FOXM1: variants seen among roughly 807,000 people sequenced by gnomAD.
FOXM1 encodes forkhead box M1, also known as forkhead box protein M1.
A neutral mutation model predicts 63.6 loss-of-function variants in FOXM1; 25 were observed. The ratio of observed to expected loss-of-function variants is 0.39; its 90% CI spans 0.29 to 0.55. FOXM1 has a LOEUF of 0.55. Ranked by LOEUF, FOXM1 falls within the 20% of genes least tolerant of loss-of-function variation. The pLI is 0.60. For missense variants in FOXM1, 879 were observed against 958.7 expected (o/e 0.92, Z 1.10); for synonymous variants, 387 against 376.9 (o/e 1.03, Z -0.31).
chr12:2,862,910 T>C (rs1256745228), intron 8 of FOXM1, among the ~76,000 whole-genome samples: 1 of 150,286 alleles, frequency 6.7e-6, no homozygotes, highest in African/African-American at 2.5e-5. Context: ...TATGCTATTT[T>C]CATCTCTCTG....
At chr12:2,862,493 G>T (rs115836629) in intron 8 of FOXM1, among the ~76,000 whole-genome samples, 1,762 of 152,206 alleles carry the variant, frequency 0.012, 32 homozygotes, top group African/African-American at 0.039. Flanking sequence ...TTATGTATGT[G>T]TGGTATAATT....
chr12:2,874,319 T>TGG lies in FOXM1; in HGVS notation c.158_159dup (p.Asn54ProfsTer23). On this transcript the variant is annotated frameshift_variant, in exon 2 of 9. Transcript: ENST00000359843. LOFTEE classifies it high-confidence loss of function. The surrounding 1 kb of genome is among the most constrained non-coding windows in gnomAD (Gnocchi z 4.3). ...ATCCCAGCTGGAAACTTGCAAGAGT[T>TGG]GGACTCTGCCACTTCCTTGGAGGCC... is the stretch of plus-strand genomic sequence containing the variant. 6.2e-7 allele frequency: 1 copy of TGG among 1,614,218 alleles called. No individual in the cohort carries two copies. Among genetic ancestry groups the TGG allele is most frequent in the Non-Finnish European group, 8.5e-7 (1 of 1,180,052 alleles).
At chr12:2,866,573 T>C (rs2153936324) in intron 4 of FOXM1, 52 bp from the exon 5 acceptor site, 3 of 1,473,742 alleles carry the variant, frequency 2.0e-6, no homozygotes, top group East Asian at 5.2e-5. Flanking sequence ...TTCAGAAACA[T>C]CACCCTTCAA....
Position 2,872,157 on chromosome 12 carries a change from C to T in FOXM1, c.593G>A (p.Arg198His), listed in dbSNP as rs769409425. 64 of 1,614,148 alleles carry T rather than the reference C, an allele frequency of 4.0e-5. 1 individual carries two copies. The South Asian group carries it at 5.3e-4, about 13-fold the overall frequency. Reference sequence around the variant, plus strand: ...TTCCTCCATCTCTTGCTTGATGCTGCGGGAGCCCAGTCCATCAGAACTCAT... The same window carrying T: ...TTCCTCCATCTCTTGCTTGATGCTGTGGGAGCCCAGTCCATCAGAACTCAT... ...RKMSSDGLGS[R>H]SIKQEMEEKE... The change falls in exon 3 of 9, where the codon CGC becomes CAC. Residue 198 changes from arginine (R) to histidine (H), a missense_variant. Arg to His is a conservative substitution (Grantham distance 29). Transcript: ENST00000359843. The surrounding 1 kb of genome is among the most constrained non-coding windows in gnomAD (Gnocchi z 4.0).
chr12:2,859,297 G>C lies in FOXM1; in HGVS notation c.1633C>G (p.Arg545Gly). ...GGAGGCAGTAGATGCTGTTTTCTCC[G>C]AGACCGGCTCCTCTCCCTCCTCTCC... is the stretch of plus-strand genomic sequence containing the variant. ...HRERRERSRS[R>G]RKQHLLPPCV... Residue 545 changes from arginine to glycine, a missense_variant, in exon 9 of 9, where the codon CGG becomes GGG. Physicochemically the swap from Arg to Gly is moderately radical, Grantham distance 125. Around this residue, in one of 4 missense-constraint regions of FOXM1, gnomAD observed 486 missense variants for 453.5 expected, o/e 1.07. Transcript: ENST00000359843. 3 of 1,613,376 alleles carry C rather than the reference G, an allele frequency of 1.9e-6. No individual in the cohort carries two copies. Among genetic ancestry groups the C allele is most frequent in the Non-Finnish European group, 2.5e-6 (3 of 1,179,938 alleles).
At position 2,866,504 on chromosome 12, in the gene FOXM1, G is replaced by A. The variant is rs142769604; in HGVS notation, c.864C>T (p.Asn288=). The change falls in exon 5 of 9, where the codon AAC becomes AAT. Residue 288 remains asparagine, a synonymous_variant. Coordinates refer to ENST00000359843, the MANE Select transcript of FOXM1 (RefSeq NM_021953.4). The part of the protein sequence containing the change: ...KPGWKNSIRH[N]LSLHDMFVRE... ...GGACAAACATGTCGTGCAGGGAAAG[G>A]TTGTGGCGGATGGAGTTCTGGAAGA... 609 of 1,552,386 alleles carry A rather than the reference G, an allele frequency of 3.9e-4. 1 individual carries two copies. Among genetic ancestry groups the A allele is most frequent in the Non-Finnish European group, 4.4e-4 (513 of 1,153,828 alleles).
rs114108937 is a variant in FOXM1 at position 2,867,932 on chromosome 12, G to A, written c.846+631C>T. On this transcript the variant is annotated intron_variant, in intron 4 of 8. Transcript: ENST00000359843. ...GGCGGAGGAGGTTGCAGTGACCTGAGATCTGCCATTGCACTCCAGCCTGGG... is the reference window on the plus strand; with the variant it reads ...GGCGGAGGAGGTTGCAGTGACCTGAAATCTGCCATTGCACTCCAGCCTGGG... Among the ~76,000 whole-genome samples, 593 of 136,864 alleles carry A rather than the reference G, an allele frequency of 4.3e-3. 8 individuals are homozygous for A. Among genetic ancestry groups the A allele is most frequent in the Middle Eastern group, 0.015 (3 of 202 alleles). The allele number at this position is 136,864 out of a possible 152,430, so 89.8% of individuals were successfully genotyped here.
At position 2,858,664 on chromosome 12, in the gene FOXM1, A is replaced by G. The variant is rs1216720660; in HGVS notation, c.2266T>C (p.Ser756Pro). 1 of 1,614,036 alleles carries G rather than the reference A, an allele frequency of 6.2e-7. No homozygotes were observed. The highest frequency in any genetic ancestry group is 1.7e-5 in the Admixed American group (1 of 60,016). ...TACTGTAGCTCAGGAATAAACTGGG[A>G]CCAGTTGATGTTGTCAGGGCCCAGT... Reference protein sequence around the residue: ...DPLGPDNINWSQFIPELQ With the variant: ...DPLGPDNINWPQFIPELQ Residue 756 changes from serine (S) to proline (P), a missense_variant, in exon 9 of 9, where the codon TCC (serine) becomes CCC (proline). This residue lies in a region of FOXM1 where 486 missense variants were observed against 453.5 expected (regional missense o/e 1.07). Coordinates refer to ENST00000359843, the MANE Select transcript of FOXM1 (RefSeq NM_021953.4).
intron 5 of FOXM1, 39 bp from the exon 6 acceptor site, chr12:2,865,438 AAGTT>A (rs2098121392): frequency 1.9e-6 from 3 of 1,569,602 alleles, no homozygotes; most frequent in Non-Finnish European, 2.6e-6. Flanking sequence ...AAATGAGATG[AAGTT>A]ACCACCAACG....
Position 2,859,560 on chromosome 12 carries a change from T to G in FOXM1, c.1370A>C (p.Gln457Pro), listed in dbSNP as rs2098104940. Residue 457 changes from glutamine (Q) to proline (P), a missense_variant, in exon 9 of 9, where the codon CAG becomes CCG. Coordinates refer to ENST00000359843, the MANE Select transcript of FOXM1 (RefSeq NM_021953.4). ...CTGGATTTCTTCCTCCTTGATAGTC[T>G]GAACTGGAAGCAAAGGAGAAAACCC... ...GEGFSPLLPV[Q>P]TIKEEEIQPG... The G allele has an allele frequency of 6.2e-7, 1 of 1,613,952 alleles. No individual in the cohort carries two copies. Among genetic ancestry groups the G allele is most frequent in the African/African-American group, 1.3e-5 (1 of 74,918 alleles).
In FOXM1 at chr12:2,858,875, G is replaced by A. The variant is rs764795562; in HGVS notation, c.2055C>T (p.Ile685=). 1.9e-6 allele frequency: 3 copies of A among 1,614,134 alleles called. No homozygotes were observed. Among genetic ancestry groups the A allele is most frequent in the Non-Finnish European group, 2.5e-6 (3 of 1,180,018 alleles). The change falls in exon 9 of 9, where the codon ATC becomes ATT. Residue 685 remains isoleucine, a synonymous_variant. Transcript: ENST00000359843. ...RLLSSEPLDL[I]SVPFGNSSPS... ...GAGAAGAGTTGCCAAAGGGGACGGAGATGAGGTCTAAGGGTTCTGAACTGA... is the reference window on the plus strand; with the variant it reads ...GAGAAGAGTTGCCAAAGGGGACGGAAATGAGGTCTAAGGGTTCTGAACTGA...
intron 8 of FOXM1, among the ~76,000 whole-genome samples, chr12:2,862,650 C>T (rs1237678719): frequency 6.6e-6 from 1 of 152,050 alleles, no homozygotes; most frequent in Non-Finnish European, 1.5e-5. Flanking sequence ...TCTGCCTCAG[C>T]CTCCCAAGTG....
rs1171887999 is a variant in FOXM1, at chr12:2,864,334, G to A, written c.1252C>T (p.Arg418Cys). The change falls in exon 8 of 9, where the codon CGC (arginine) becomes TGC (cysteine). Residue 418 changes from arginine (R) to cysteine (C), a missense_variant. By Grantham distance (180) the Arg-to-Cys change is radical. Transcript: ENST00000359843. This position sits in a 1 kb window ranked among gnomAD's most constrained non-coding sequence, Gnocchi z 5.1. ...SELARHSKRVRIAPKVLLAEE... is the reference protein window; with the variant it reads ...SELARHSKRVCIAPKVLLAEE... ...AGGACACCCACCTTGGGGGCAATGC[G>A]GACTCGCTTGCTATGGCGGGCAAGC... 8.1e-6 allele frequency: 13 copies of A among 1,612,626 alleles called. No individual in the cohort carries two copies. The highest frequency in any genetic ancestry group is 2.7e-5 in the African/African-American group (2 of 75,012).
rs992503086 is a variant in FOXM1 at position 2,877,095 on chromosome 12, C to CGGGCCG, written c.-229_-224dup. On this transcript the variant is annotated 5_prime_UTR_variant, in exon 1 of 9. Transcript: ENST00000359843. ...GGGATCCCGGGAGGGGAGGGGGTCC[C>CGGGCCG]GGGCCGGGGCCGGGGGTGGGGTCTG... 9.2e-5 allele frequency: 14 copies of CGGGCCG among 152,144 alleles called. No individual in the cohort carries two copies. In the East Asian group the frequency reaches 1.4e-3, roughly 15 times the overall value. The allele number at this position is 152,144 out of a possible 1,614,324, so 9.4% of individuals were successfully genotyped here.
At chr12:2,863,455 CAG>C (rs943347910) in intron 8 of FOXM1, among the ~76,000 whole-genome samples, 20 of 152,042 alleles carry the variant, frequency 1.3e-4, no homozygotes, top group Admixed American at 1.2e-3. Flanking sequence ...GTGGTGCAAA[CAG>C]GGCTCACTGC....
In FOXM1 at chr12:2,866,392, C is replaced by T; in HGVS notation, c.975+1G>A. 3 of 1,473,268 alleles carry T rather than the reference C, an allele frequency of 2.0e-6. No individual in the cohort carries two copies. The highest frequency in any genetic ancestry group is 2.7e-6 in the Non-Finnish European group (3 of 1,109,946). The allele number at this position is 1,473,268 out of a possible 1,614,324, so 91.3% of individuals were successfully genotyped here. On this transcript the variant is annotated splice_donor_variant, in intron 5 of 8. Transcript: ENST00000359843. LOFTEE classifies it high-confidence loss of function. ...TATTTAGAGGAAAGCAGGGCATTCA[C>T]CTTAAACACCTGGTCCAATGTCAAG... is the stretch of plus-strand genomic sequence containing the variant.
chr12:2,874,930 T>TA lies in FOXM1; in HGVS notation c.-47-406dup, dbSNP rs1390674915. ...GATGCTAGAATAGGAAAGCATATGG[T>TA]AATTAGGAGTCCTGATGAAACTCTG... On this transcript the variant is annotated intron_variant, in intron 1 of 8. Transcript: ENST00000359843. The surrounding 1 kb of genome is among the most constrained non-coding windows in gnomAD (Gnocchi z 4.3). 1.3e-5 allele frequency among the ~76,000 whole-genome samples: 2 copies of TA among 151,946 alleles called. No homozygotes were observed. The highest frequency in any genetic ancestry group is 2.9e-5 in the Non-Finnish European group (2 of 68,016).
In FOXM1 at chr12:2,872,704, T is replaced by C. The variant is rs1440324346; in HGVS notation, c.503-457A>G. Among the ~76,000 whole-genome samples the C allele has an allele frequency of 6.6e-6, 1 of 152,190 alleles. No homozygotes were observed. Among genetic ancestry groups the C allele is most frequent in the Non-Finnish European group, 1.5e-5 (1 of 68,040 alleles). On this transcript the variant is annotated intron_variant, in intron 2 of 8. Coordinates refer to ENST00000359843, the MANE Select transcript of FOXM1 (RefSeq NM_021953.4). The surrounding 1 kb of genome is among the most constrained non-coding windows in gnomAD (Gnocchi z 4.0). ...ACACATGCTGAATCTATTGTGGCTCTAAGTTACTCTGCCCCATTATGCATT... is the reference window on the plus strand; with the variant it reads ...ACACATGCTGAATCTATTGTGGCTCCAAGTTACTCTGCCCCATTATGCATT...
Position 2,877,055 on chromosome 12 carries a change from G to C in FOXM1, c.-183C>G, listed in dbSNP as rs2098146334. 2 of 152,156 alleles carry C rather than the reference G, an allele frequency of 1.3e-5. No individual in the cohort carries two copies. Among genetic ancestry groups the C allele is most frequent in the Non-Finnish European group, 1.5e-5 (1 of 68,008 alleles). 9.4% of individuals were successfully genotyped at this position (152,156 alleles called of 1,614,324 possible). On this transcript the variant is annotated 5_prime_UTR_variant, in exon 1 of 9. Transcript: ENST00000359843. Reference sequence around the variant, plus strand: ...GGCCGGGTCCCCGGCGGTGCGGGCGGGGTGGGAACCCCGGGGGATCCCGGG... The same window carrying C: ...GGCCGGGTCCCCGGCGGTGCGGGCGCGGTGGGAACCCCGGGGGATCCCGGG...
Sources: gnomAD v4.1 joint callset for allele counts (sites outside exome capture counted in the v4.1 genomes callset) on GRCh38, gnomAD v4.1.1 for gene constraint, gnomAD v4.1.1 regional missense constraint, Gnocchi (gnomAD v3.1) non-coding constraint, MANE v1.5 for transcripts, NCBI Gene and HGNC (gene_info 2026-07-23, HGNC 2026-07-21) for gene names.